The following TNXB variants were observed in gnomAD, a reference collection of about 807,000 sequenced individuals.
The protein encoded by TNXB is tenascin-X.
In TNXB, 183 loss-of-function variants were observed where a neutral mutation model predicts 340.5. That is an observed-to-expected ratio of 0.54 (90% confidence interval 0.48 to 0.61). The LOEUF (loss-of-function observed/expected upper bound fraction) is 0.61. TNXB is among the 20% of genes least tolerant of loss of function. The pLI is 0.00. For missense variants in TNXB, 4,613 were observed against 5,446.4 expected (o/e 0.85, Z 4.82); for synonymous variants, 2,121 against 2,314.5 (o/e 0.92, Z 2.40).
chr6:32,108,329 C>T lies in TNXB; in HGVS notation c.-9+852G>A, dbSNP rs1229705591. ...AGATAAGGGGCCCGCCCTTCCCACC[C>T]GGGGCGTGTCACGTGTACTGGTGGT... On this transcript the variant is annotated intron_variant, in intron 1 of 43. Coordinates refer to ENST00000644971, the MANE Select transcript of TNXB (RefSeq NM_001365276.2). This position sits in a 1 kb window ranked among gnomAD's most constrained non-coding sequence, Gnocchi z 4.8. 1.3e-5 allele frequency among the ~76,000 whole-genome samples: 2 copies of T among 152,118 alleles called. No homozygotes were observed. Among genetic ancestry groups the T allele is most frequent in the Admixed American group, 6.5e-5 (1 of 15,274 alleles).
At chr6:32,105,959 T>C (rs1302130641) in intron 1 of TNXB, among the ~76,000 whole-genome samples, 1 of 152,208 alleles carries the variant, frequency 6.6e-6, no homozygotes, top group Non-Finnish European at 1.5e-5. Context: ...ACTATAGTTA[T>C]ATGCAGTAGT....
intron 28 of TNXB, 81 bp from the exon 29 acceptor site, chr6:32,048,731 A>G: frequency 7.7e-7 from 1 of 1,290,734 alleles, no homozygotes. Context: ...GACTGGAGTG[A>G]GCATTTCTTA....
chr6:32,047,996 C>G lies in TNXB; in HGVS notation c.10062G>C (p.Pro3354=). 1 of 1,608,416 alleles carries G rather than the reference C, an allele frequency of 6.2e-7. No homozygotes were observed. Among genetic ancestry groups the G allele is most frequent in the South Asian group, 1.1e-5 (1 of 90,530 alleles). The change falls in exon 30 of 44, where the codon CCG becomes CCC. Residue 3354 remains proline (P), a synonymous_variant. Coordinates refer to ENST00000644971, the MANE Select transcript of TNXB (RefSeq NM_001365276.2). The surrounding 1 kb of genome is among the most constrained non-coding windows in gnomAD (Gnocchi z 6.2). ...VEARTAPDTK[P]SPRLGELTVT... is the part of the protein sequence containing the mutation. The stretch of plus-strand genomic sequence containing the variant: ...CAGTCAGCTCCCCCAGGCGGGGAGA[C>G]GGTTTGGTGTCTGGGGCTGGAAAAG...
chr6:32,043,371 G>C (rs1294846052), intron 36 of TNXB, 53 bp from the exon 37 acceptor site: 1 of 437,342 alleles, frequency 2.3e-6, no homozygotes, highest in Non-Finnish European at 3.9e-6. Flanking sequence ...CTCGGCCAGA[G>C]TCCAGCCTCC....
In TNXB at chr6:32,083,123, C is replaced by A. The variant is rs144382166; in HGVS notation, c.3446-797G>T. ...CCTTGCCATTGCTAAATTCTGTGGACGCTCCGTAGCCCTTGAATCACTGTT... is the reference window on the plus strand; with the variant it reads ...CCTTGCCATTGCTAAATTCTGTGGAAGCTCCGTAGCCCTTGAATCACTGTT... On this transcript the variant is annotated intron_variant, in intron 8 of 43. Coordinates refer to ENST00000644971, the MANE Select transcript of TNXB (RefSeq NM_001365276.2). This position sits in a 1 kb window ranked among gnomAD's most constrained non-coding sequence, Gnocchi z 4.6. Among the ~76,000 whole-genome samples the A allele has an allele frequency of 3.9e-5, 6 of 152,220 alleles. 1 individual carries two copies. In the South Asian group the frequency reaches 1.2e-3, roughly 32 times the overall value.
In TNXB at chr6:32,090,715, G is replaced by C. The variant is rs1780034087; in HGVS notation, c.2359-1336C>G. On this transcript the variant is annotated intron_variant, in intron 4 of 43. Coordinates refer to ENST00000644971, the MANE Select transcript of TNXB (RefSeq NM_001365276.2). This position sits in a 1 kb window ranked among gnomAD's most constrained non-coding sequence, Gnocchi z 4.3. Reference sequence around the variant, plus strand: ...TTTCTGGGTTGAAAAGTTTTCCTGGGCACATAGGACCTCCAGCCCTCTCCT... The same window carrying C: ...TTTCTGGGTTGAAAAGTTTTCCTGGCCACATAGGACCTCCAGCCCTCTCCT... Among the ~76,000 whole-genome samples the C allele has an allele frequency of 6.6e-6, 1 of 152,116 alleles. No homozygotes were observed. Among genetic ancestry groups the C allele is most frequent in the Non-Finnish European group, 1.5e-5 (1 of 68,016 alleles).
rs77466839 is a variant in TNXB, at chr6:32,044,149, C to T, written c.11264-20G>A. The T allele has an allele frequency of 0.019, 27,910 of 1,471,384 alleles. 548 individuals are homozygous for T. The highest frequency in any genetic ancestry group is 0.021 in the Middle Eastern group (93 of 4,436). 91.1% of individuals were successfully genotyped at this position (1,471,384 alleles called of 1,614,324 possible). ...CCAGAACTGCAGAGGGGTCAAGGAA[C>T]AATGACGCAGGCAGGGGCAGGGAGG... On this transcript the variant is annotated intron_variant, in intron 33 of 43. Transcript: ENST00000644971.
Position 32,069,974 on chromosome 6 carries a change from C to T in TNXB, c.5279-113G>A, listed in dbSNP as rs550441647. 7.6e-5 allele frequency: 105 copies of T among 1,380,314 alleles called. No individual in the cohort carries two copies. Among genetic ancestry groups the T allele is most frequent in the African/African-American group, 1.7e-4 (12 of 69,186 alleles). 85.5% of individuals were successfully genotyped at this position (1,380,314 alleles called of 1,614,324 possible). On this transcript the variant is annotated intron_variant, in intron 14 of 43. Transcript: ENST00000644971. The surrounding 1 kb of genome is among the most constrained non-coding windows in gnomAD (Gnocchi z 6.2). ...AGGGCTTTGCGTGGCTGAGTCCTGCCGGGCTGTGCTAGGGGCTTGTGCAGG... is the reference window on the plus strand; with the variant it reads ...AGGGCTTTGCGTGGCTGAGTCCTGCTGGGCTGTGCTAGGGGCTTGTGCAGG...
At position 32,075,810 on chromosome 6, in the gene TNXB, C is replaced by G. The variant is rs1779051183; in HGVS notation, c.4376-1858G>C. Among the ~76,000 whole-genome samples, 1 of 152,200 alleles carries G rather than the reference C, an allele frequency of 6.6e-6. No individual in the cohort carries two copies. The highest frequency in any genetic ancestry group is 2.4e-5 in the African/African-American group (1 of 41,442). On this transcript the variant is annotated intron_variant, in intron 11 of 43. Coordinates refer to ENST00000644971, the MANE Select transcript of TNXB (RefSeq NM_001365276.2). This position sits in a 1 kb window ranked among gnomAD's most constrained non-coding sequence, Gnocchi z 4.6. ...GCATGAGGAAGCACTCATTAGTGAG[C>G]AAACTAGAAGGTGGTCCCAAGAGGC...
At position 32,052,828 on chromosome 6, in the gene TNXB, T is replaced by A; in HGVS notation, c.8957A>T (p.Tyr2986Phe). ...QGRFDSFTVQYKDRDGRPQVV... is the reference protein window; with the variant it reads ...QGRFDSFTVQFKDRDGRPQVV... The stretch of plus-strand genomic sequence containing the variant: ...CTGGGGCCGCCCGTCCCTGTCCTTG[T>A]ACTGCACAGTGAAGGAGTCGAAGCG... The change falls in exon 26 of 44, where the codon TAC becomes TTC. Residue 2986 changes from tyrosine (Y) to phenylalanine (F), a missense_variant. Tyr to Phe is a conservative substitution (Grantham distance 22, BLOSUM62 3). Around this residue, in one of 7 missense-constraint regions of TNXB, gnomAD observed 4,327 missense variants for 4,859.4 expected, o/e 0.89. Transcript: ENST00000644971. The surrounding 1 kb of genome is among the most constrained non-coding windows in gnomAD (Gnocchi z 4.7). 3 of 1,613,660 alleles carry A rather than the reference T, an allele frequency of 1.9e-6. No individual in the cohort carries two copies. Among genetic ancestry groups the A allele is most frequent in the Non-Finnish European group, 2.5e-6 (3 of 1,179,878 alleles).
rs1777988676 is a variant in TNXB, at chr6:32,061,311, C to T, written c.7492+86G>A. On this transcript the variant is annotated intron_variant, in intron 21 of 43. Transcript: ENST00000644971. This position sits in a 1 kb window ranked among gnomAD's most constrained non-coding sequence, Gnocchi z 4.4. ...CAGGACACAGGAGACAAGTCTGGAC[C>T]CACAGGGCTTGGTGAAAGGGCACAG... 1 of 1,544,552 alleles carries T rather than the reference C, an allele frequency of 6.5e-7. No individual in the cohort carries two copies. Among genetic ancestry groups the T allele is most frequent in the Admixed American group, 1.9e-5 (1 of 53,150 alleles).
chr6:32,059,418 C>CAAAAAAAAAA (rs571985819), intron 21 of TNXB, among the ~76,000 whole-genome samples: 4 of 36,482 alleles, frequency 1.1e-4, no homozygotes, highest in Admixed American at 3.1e-4. Context: ...GACTCAGTCT[C>CAAAAAAAAAA]AAAAAAAAAA....
intron 1 of TNXB, 95 bp from the exon 2 acceptor site, chr6:32,098,301 C>G: frequency 9.5e-7 from 1 of 1,054,554 alleles, no homozygotes; most frequent in African/African-American, 1.6e-5. Context: ...CCACCACCCA[C>G]AAGTAATCTA....
chr6:32,057,518 G>A lies in TNXB; in HGVS notation c.7825+540C>T, dbSNP rs187861282. On this transcript the variant is annotated intron_variant, in intron 22 of 43. Coordinates refer to ENST00000644971, the MANE Select transcript of TNXB (RefSeq NM_001365276.2). ...AGCCCCCACGGATGAGCTTCACACA[G>A]GCACAGCTGCTGGGGCCATCTCAGC... 3.0e-3 allele frequency among the ~76,000 whole-genome samples: 463 copies of A among 152,294 alleles called. 2 individuals are homozygous for A. The Middle Eastern group carries it at 0.037, about 12-fold the overall frequency.
rs1332267129 is a variant in TNXB at position 32,064,895 on chromosome 6, T to A, written c.6767A>T (p.His2256Leu). The A allele has an allele frequency of 6.2e-6, 10 of 1,612,696 alleles. No homozygotes were observed. Among genetic ancestry groups the A allele is most frequent in the Non-Finnish European group, 8.5e-6 (10 of 1,179,852 alleles). ...GVTISGLEPD[H>L]KYKMNLYGFH... ...GCCGTACAGGTTCATCTTGTACTTG[T>A]GGTCTGGCTCCAGGCCCGAGATGGT... Residue 2256 changes from histidine to leucine, a missense_variant, in exon 19 of 44, where the codon CAC (histidine) becomes CTC (leucine). Around this residue, in one of 7 missense-constraint regions of TNXB, gnomAD observed 4,327 missense variants for 4,859.4 expected, o/e 0.89. Transcript: ENST00000644971. The surrounding 1 kb of genome is among the most constrained non-coding windows in gnomAD (Gnocchi z 5.3).
In TNXB at chr6:32,082,584, G is replaced by A. The variant is rs1019801297; in HGVS notation, c.3446-258C>T. ...ATGGAAGCACTGCGTGGACTAGTGTGGCTCTGCCTCCAACCACAAACCAGA... is the reference window on the plus strand; with the variant it reads ...ATGGAAGCACTGCGTGGACTAGTGTAGCTCTGCCTCCAACCACAAACCAGA... On this transcript the variant is annotated intron_variant, in intron 8 of 43. Transcript: ENST00000644971. The surrounding 1 kb of genome is among the most constrained non-coding windows in gnomAD (Gnocchi z 5.0). 6.6e-6 allele frequency among the ~76,000 whole-genome samples: 1 copy of A among 152,086 alleles called. No individual in the cohort carries two copies.
In TNXB at chr6:32,052,801, A is replaced by G. The variant is rs1777368931; in HGVS notation, c.8984T>C (p.Val2995Ala). 6.2e-7 allele frequency: 1 copy of G among 1,613,416 alleles called. No homozygotes were observed. Among genetic ancestry groups the G allele is most frequent in the African/African-American group, 1.3e-5 (1 of 74,858 alleles). The change falls in exon 26 of 44, where the codon GTG (valine) becomes GCG (alanine). Residue 2995 changes from valine (V) to alanine (A), a missense_variant. Physicochemically the swap from Val to Ala is moderately conservative, Grantham distance 64. This residue lies in a region of TNXB where 4,327 missense variants were observed against 4,859.4 expected (regional missense o/e 0.89). Coordinates refer to ENST00000644971, the MANE Select transcript of TNXB (RefSeq NM_001365276.2). This position sits in a 1 kb window ranked among gnomAD's most constrained non-coding sequence, Gnocchi z 4.7. ...GCTCTCCTCGCCCCTGACACGCACC[A>G]CCTGGGGCCGCCCGTCCCTGTCCTT... ...QYKDRDGRPQ[V>A]VRVRGEESEV...
Position 32,064,515 on chromosome 6 carries a change from G to C in TNXB, c.6841+306C>G, listed in dbSNP as rs1010377863. 6.6e-6 allele frequency among the ~76,000 whole-genome samples: 1 copy of C among 152,082 alleles called. No individual in the cohort carries two copies. The highest frequency in any genetic ancestry group is 2.4e-5 in the African/African-American group (1 of 41,412). The stretch of plus-strand genomic sequence containing the variant: ...AGGCATGAGCCACCGTGCCCAGACA[G>C]GTTGTGTGAGTCTCTTGAGGACACA... On this transcript the variant is annotated intron_variant, in intron 19 of 43. Coordinates refer to ENST00000644971, the MANE Select transcript of TNXB (RefSeq NM_001365276.2). The surrounding 1 kb of genome is among the most constrained non-coding windows in gnomAD (Gnocchi z 5.3).
chr6:32,078,291 A>G (rs1582431331), intron 11 of TNXB, among the ~76,000 whole-genome samples: 2 of 151,516 alleles, frequency 1.3e-5, no homozygotes, highest in East Asian at 3.9e-4. Context: ...TACTAAAAAT[A>G]CAAAAAAGTA....
Sources: allele counts gnomAD v4.1 joint callset (sites outside exome capture counted in the v4.1 genomes callset), GRCh38; gene constraint gnomAD v4.1.1; regional missense constraint gnomAD v4.1.1; non-coding constraint Gnocchi (gnomAD v3.1); transcripts MANE v1.5; gene names NCBI Gene and HGNC (gene_info 2026-07-23, HGNC 2026-07-21).